GGT1: variants seen among roughly 807,000 people sequenced by gnomAD.
GGT1 encodes gamma-glutamyltransferase 1, also known as glutathione hydrolase 1 proenzyme.
In GGT1, 21 loss-of-function variants were observed where a neutral mutation model predicts 56.0. That is an observed-to-expected ratio of 0.38 (90% confidence interval 0.27 to 0.54). The LOEUF (loss-of-function observed/expected upper bound fraction) is 0.54, where lower values mean the gene tolerates loss of function less well. GGT1 is among the 20% of genes least tolerant of loss of function. The pLI, the probability that GGT1 is intolerant of heterozygous loss-of-function variation, is 0.82. For missense variants in GGT1, 466 were observed against 787.0 expected (o/e 0.59, Z 4.88); for synonymous variants, 238 against 342.6 (o/e 0.69, Z 3.37).
intron 5 of GGT1, among the ~76,000 whole-genome samples, 162 bp from the exon 6 acceptor site, chr22:24,614,614 C>CAA (rs4049879): frequency 1.3e-3 from 91 of 68,596 alleles, no homozygotes; most frequent in Middle Eastern, 0.013. Context: ...GACTCCATCT[C>CAA]AAAAAAAAAA....
upstream of GGT1, chr22:24,589,885 G>T (rs150007743): frequency 1.5e-4 from 250 of 1,613,676 alleles, no homozygotes; most frequent in Non-Finnish European, 2.1e-4. Flanking sequence ...GGGGTCGACC[G>T]GGTTGAGGAA....
At chr22:24,604,673 A>G (rs2045921539) in intron 1 of GGT1, among the ~76,000 whole-genome samples, 1 of 151,976 alleles carries the variant, frequency 6.6e-6, no homozygotes, top group Non-Finnish European at 1.5e-5. Context: ...TCCTCAGGTG[A>G]CATGGCTTCC....
At position 24,620,230 on chromosome 22, in the gene GGT1, A is replaced by T; in HGVS notation, c.383-98A>T. ...CTTTCCTCCTAAGCCTCATTGCCCCATCTGTAAAATGAGTCAGGGACTGTG... is the reference window on the plus strand; with the variant it reads ...CTTTCCTCCTAAGCCTCATTGCCCCTTCTGTAAAATGAGTCAGGGACTGTG... On this transcript the variant is annotated intron_variant, in intron 7 of 15. Coordinates refer to ENST00000400382, the MANE Select transcript of GGT1 (RefSeq NM_001288833.2). This position sits in a 1 kb window ranked among gnomAD's most constrained non-coding sequence, Gnocchi z 5.6. 1 of 1,395,166 alleles carries T rather than the reference A, an allele frequency of 7.2e-7. No individual in the cohort carries two copies. Among genetic ancestry groups the T allele is most frequent in the Non-Finnish European group, 9.7e-7 (1 of 1,027,736 alleles). 86.4% of individuals were successfully genotyped at this position (1,395,166 alleles called of 1,614,324 possible).
chr22:24,589,120 C>T, the GGT1 span: 1 of 1,121,770 alleles, frequency 8.9e-7, no homozygotes, highest in Non-Finnish European at 1.1e-6. Context: ...CTGGCAGGGC[C>T]CAGAGCGGAT....
At chr22:24,607,020 C>T (rs919226486) in intron 1 of GGT1, among the ~76,000 whole-genome samples, 3 of 151,788 alleles carry the variant, frequency 2.0e-5, no homozygotes, top group Non-Finnish European at 2.9e-5. Context: ...GCAGCTGTTC[C>T]TGGCTCAGAC....
chr22:24,626,148 G>C (rs140024999), intron 11 of GGT1, among the ~76,000 whole-genome samples: 1 of 146,134 alleles, frequency 6.8e-6, no homozygotes, highest in Admixed American at 6.8e-5. Flanking sequence ...GCCCACCACC[G>C]CGCCCAGCTA....
At chr22:24,604,195 A>T (rs1370903236) in intron 1 of GGT1, among the ~76,000 whole-genome samples, 1 of 147,644 alleles carries the variant, frequency 6.8e-6, no homozygotes, top group South Asian at 2.3e-4. Context: ...CTGGCAGGGT[A>T]AGGGGTGGGT....
intron 6 of GGT1, 28 bp downstream of exon 6, chr22:24,614,934 A>T: frequency 7.1e-7 from 1 of 1,404,838 alleles, no homozygotes; most frequent in Non-Finnish European, 9.5e-7. Context: ...GGAGAGGGAG[A>T]GGGGCAGGGG....
chr22:24,592,972 C>T (rs1203655391), upstream of GGT1: 5 of 1,174,440 alleles, frequency 4.3e-6, no homozygotes, highest in Non-Finnish European at 5.3e-6. Context: ...CGCGGGCCCG[C>T]AGCCGGCCGC....
At chr22:24,584,565 A>G in the GGT1 span, among the ~76,000 whole-genome samples, 1 of 152,262 alleles carries the variant, frequency 6.6e-6, no homozygotes, top group Non-Finnish European at 1.5e-5. Context: ...CATGCACCAC[A>G]GGGGATGGAT....
At chr22:24,586,358 G>A in the GGT1 span, 1 of 1,613,886 alleles carries the variant, frequency 6.2e-7, no homozygotes. Flanking sequence ...CGGGATGCCT[G>A]AGAGGTCCAC....
chr22:24,594,351 G>A (rs1292715730), upstream of GGT1, among the ~76,000 whole-genome samples: 7 of 151,654 alleles, frequency 4.6e-5, 1 homozygote, highest in Non-Finnish European at 7.4e-5. Flanking sequence ...AGCACTGTCC[G>A]AGGGCATATA....
chr22:24,593,246 G>A, upstream of GGT1: 1 of 370,488 alleles, frequency 2.7e-6, no homozygotes, highest in Non-Finnish European at 3.8e-6. Context: ...CCCTGCTTGC[G>A]TCAGTCTTGG....
chr22:24,588,284 T>C, the GGT1 span: 3 of 1,613,604 alleles, frequency 1.9e-6, no homozygotes, highest in Non-Finnish European at 1.7e-6. Flanking sequence ...AGGTGGTAGA[T>C]GAGCTGTCGG....
At chr22:24,623,537 C>T (rs939911969) in intron 10 of GGT1, among the ~76,000 whole-genome samples, 1 of 149,876 alleles carries the variant, frequency 6.7e-6, no homozygotes, top group Non-Finnish European at 1.5e-5. Context: ...CCAGAGGGTA[C>T]CCCGGTCCAG....
At chr22:24,602,074 G>A (rs1051234249), upstream of GGT1, among the ~76,000 whole-genome samples, 10 of 151,968 alleles carry the variant, frequency 6.6e-5, no homozygotes, top group Non-Finnish European at 1.2e-4. Context: ...GGCCTTGAAC[G>A]TCTTAGCTCG....
In GGT1 at chr22:24,620,635, G is replaced by C. The variant is rs1471318167; in HGVS notation, c.575+115G>C. 1.9e-6 allele frequency: 3 copies of C among 1,547,704 alleles called. No individual in the cohort carries two copies. Among genetic ancestry groups the C allele is most frequent in the Non-Finnish European group, 2.6e-6 (3 of 1,148,898 alleles). ...GCCTTCAGGACCCTGTGCTGATAATGGGATGAGGAGATACAGACCCTTCCC... is the reference window on the plus strand; with the variant it reads ...GCCTTCAGGACCCTGTGCTGATAATCGGATGAGGAGATACAGACCCTTCCC... On this transcript the variant is annotated intron_variant, in intron 8 of 15. Coordinates refer to ENST00000400382, the MANE Select transcript of GGT1 (RefSeq NM_001288833.2). This position sits in a 1 kb window ranked among gnomAD's most constrained non-coding sequence, Gnocchi z 5.6.
At chr22:24,605,166 T>A (rs867472363) in intron 1 of GGT1, among the ~76,000 whole-genome samples, 3 of 37,434 alleles carry the variant, frequency 8.0e-5, no homozygotes, top group South Asian at 5.8e-4. Context: ...ATATTATATA[T>A]TATATAATAT....
At chr22:24,610,990 C>G (rs1413351863) in intron 4 of GGT1, 85 bp from the exon 5 acceptor site, 1 of 1,270,226 alleles carries the variant, frequency 7.9e-7, no homozygotes, top group Admixed American at 2.1e-5. Flanking sequence ...TTTCTGAGGC[C>G]CGACTTTAGA....
Sources: gnomAD v4.1 joint callset for allele counts (sites outside exome capture counted in the v4.1 genomes callset) on GRCh38, gnomAD v4.1.1 for gene constraint, Gnocchi (gnomAD v3.1) non-coding constraint, MANE v1.5 for transcripts, NCBI Gene and HGNC (gene_info 2026-07-23, HGNC 2026-07-21) for gene names.